RTL4: variants seen among roughly 807,000 people sequenced by gnomAD.
The protein encoded by RTL4 is retrotransposon Gag-like protein 4.
Under a neutral mutation model 5.3 loss-of-function variants are expected in RTL4, and 4 were observed. That is an observed-to-expected ratio of 0.75 (90% confidence interval 0.37 to 1.72). The LOEUF (loss-of-function observed/expected upper bound fraction) is 1.72. Among genes scored for constraint, RTL4 ranks in the 40% most tolerant of loss-of-function variants. RTL4 has a pLI of 0.04. For missense variants in RTL4, 260 were observed against 227.1 expected (o/e 1.14, Z -0.93); for synonymous variants, 98 against 87.3 (o/e 1.12, Z -0.68).
At chrX:112,356,117 C>T in the RTL4 span, among the ~76,000 whole-genome samples, 1 of 111,132 alleles carries the variant, frequency 9.0e-6, no homozygotes, top group Non-Finnish European at 1.9e-5. Context: ...GCAGAGTGCT[C>T]ATTGATGTGT....
chrX:112,119,811 C>T, the RTL4 span, among the ~76,000 whole-genome samples: 117 of 111,265 alleles, frequency 1.1e-3, 1 homozygote, highest in Non-Finnish European at 3.0e-4. Flanking sequence ...ACTTGAGAGC[C>T]CAGATGATAA....
chrX:112,152,397 T>G, the RTL4 span, among the ~76,000 whole-genome samples: 1 of 112,003 alleles, frequency 8.9e-6, no homozygotes, highest in Admixed American at 9.4e-5. Flanking sequence ...GCTTGGAGAA[T>G]AATGATTATT....
At chrX:112,390,255 G>A in the RTL4 span, among the ~76,000 whole-genome samples, 1 of 93,363 alleles carries the variant, frequency 1.1e-5, no homozygotes, top group African/African-American at 3.9e-5. Flanking sequence ...AAGTTTGAGA[G>A]CAGCCTGGCC....
At chrX:112,285,489 A>C in the RTL4 span, among the ~76,000 whole-genome samples, 1 of 111,520 alleles carries the variant, frequency 9.0e-6, no homozygotes, top group African/African-American at 3.3e-5. Flanking sequence ...GCATATATAG[A>C]AGTATTGCCT....
the RTL4 span, among the ~76,000 whole-genome samples, chrX:112,172,972 A>G: frequency 2.2e-5 from 2 of 90,834 alleles, no homozygotes; most frequent in African/African-American, 4.1e-5. Flanking sequence ...ACATGGACAC[A>G]TGGAGGGGGA....
At chrX:112,115,919 G>A in the RTL4 span, among the ~76,000 whole-genome samples, 2 of 112,305 alleles carry the variant, frequency 1.8e-5, no homozygotes, top group Non-Finnish European at 3.8e-5. Flanking sequence ...GTGACTTTGA[G>A]AGTTCCTCTC....
the RTL4 span, among the ~76,000 whole-genome samples, chrX:112,164,921 T>G: frequency 7.1e-5 from 8 of 112,151 alleles, no homozygotes; most frequent in African/African-American, 1.3e-4. Context: ...CTATTTCTCC[T>G]GCCGGATCTC....
At chrX:112,137,339 G>A in the RTL4 span, among the ~76,000 whole-genome samples, 1 of 111,756 alleles carries the variant, frequency 8.9e-6, no homozygotes, top group Non-Finnish European at 1.9e-5. Flanking sequence ...GTATTAGTCC[G>A]TTTCACACTG....
At chrX:112,309,552 G>A in the RTL4 span, among the ~76,000 whole-genome samples, 3 of 108,499 alleles carry the variant, frequency 2.8e-5, no homozygotes, top group Non-Finnish European at 3.8e-5. Context: ...GCAGTGGCAC[G>A]ATCTCGGGTC....
At chrX:112,267,777 T>G in the RTL4 span, among the ~76,000 whole-genome samples, 2 of 110,879 alleles carry the variant, frequency 1.8e-5, no homozygotes, top group Non-Finnish European at 3.8e-5. Context: ...CTTCCCCCTT[T>G]TTTTCCCACC....
At chrX:112,388,725 T>C in the RTL4 span, among the ~76,000 whole-genome samples, 14 of 112,521 alleles carry the variant, frequency 1.2e-4, no homozygotes, top group Admixed American at 3.7e-4. Flanking sequence ...TGTTGAGTTA[T>C]GTAGGTTGAA....
chrX:112,286,167 GA>G, the RTL4 span, among the ~76,000 whole-genome samples: 3 of 112,038 alleles, frequency 2.7e-5, no homozygotes, highest in Admixed American at 2.8e-4. Flanking sequence ...TGAACAAAAA[GA>G]AAGAATAAAC....
At chrX:112,226,443 A>T in the RTL4 span, among the ~76,000 whole-genome samples, 1 of 112,044 alleles carries the variant, frequency 8.9e-6, no homozygotes, top group East Asian at 2.8e-4. Flanking sequence ...CCTTAAGCAG[A>T]TTTACTCTTC....
chrX:112,103,640 G>C, the RTL4 span, among the ~76,000 whole-genome samples: 1 of 110,457 alleles, frequency 9.1e-6, no homozygotes, highest in Non-Finnish European at 1.9e-5. Context: ...TAAAATTCTA[G>C]GTAATATGAT....
At chrX:112,347,090 G>C in the RTL4 span, among the ~76,000 whole-genome samples, 3 of 111,770 alleles carry the variant, frequency 2.7e-5, no homozygotes, top group East Asian at 2.8e-4. Context: ...CCATTTACTA[G>C]TTATGTGACT....
At chrX:112,134,096 T>G in the RTL4 span, among the ~76,000 whole-genome samples, 1 of 112,428 alleles carries the variant, frequency 8.9e-6, no homozygotes, top group South Asian at 3.7e-4. Flanking sequence ...TCTTTTTAGT[T>G]GTGGAGTGCT....
At chrX:112,106,609 A>G in the RTL4 span, among the ~76,000 whole-genome samples, 1 of 112,003 alleles carries the variant, frequency 8.9e-6, no homozygotes, top group African/African-American at 3.2e-5. Context: ...ACTGTTTTCC[A>G]TAATGGATGT....
chrX:112,382,841 A>G, the RTL4 span, among the ~76,000 whole-genome samples: 1 of 111,981 alleles, frequency 8.9e-6, no homozygotes, highest in Non-Finnish European at 1.9e-5. Flanking sequence ...CTAAGCCCCT[A>G]CAAGTTTAAT....
the RTL4 span, among the ~76,000 whole-genome samples, chrX:112,378,920 G>A: frequency 8.9e-6 from 1 of 112,416 alleles, no homozygotes; most frequent in Non-Finnish European, 1.9e-5. Flanking sequence ...TACATCAAAT[G>A]CCTTCTGCGT....
Sources: gnomAD v4.1 joint callset for allele counts (sites outside exome capture counted in the v4.1 genomes callset) on GRCh38, gnomAD v4.1.1 for gene constraint, MANE v1.5 for transcripts, NCBI Gene and HGNC (gene_info 2026-07-23, HGNC 2026-07-21) for gene names.